Variants in SARS2 observed in about 807,000 individuals in gnomAD.
SARS2 encodes the protein serine--tRNA ligase, mitochondrial.
A neutral mutation model predicts 66.8 loss-of-function variants in SARS2; 52 were observed. The ratio of observed to expected loss-of-function variants is 0.78; its 90% CI spans 0.62 to 0.98. The LOEUF (loss-of-function observed/expected upper bound fraction) is 0.98, where lower values mean the gene tolerates loss of function less well. Among genes scored for constraint, SARS2 ranks in the 50% least tolerant of loss-of-function variants. The pLI is 0.00. For synonymous variants in SARS2, 306 were observed against 281.4 expected, an observed-to-expected ratio of 1.09 and a Z score of -0.87; for missense variants, 673 against 706.3, an observed-to-expected ratio of 0.95 and a Z score of 0.53.
intron 15 of SARS2, 32 bp downstream of exon 15, chr19:38,915,809 T>A (rs772951952): frequency 3.1e-6 from 5 of 1,613,110 alleles, no homozygotes. Flanking sequence ...GGCGCTGAGC[T>A]GCCTCTCTGG....
chr19:38,922,556 T>C (rs911314153), intron 2 of SARS2, among the ~76,000 whole-genome samples: 2 of 152,190 alleles, frequency 1.3e-5, no homozygotes, highest in East Asian at 1.9e-4. Context: ...AAATCCACTT[T>C]AGGAGGTAGG....
chr19:38,927,234 G>C (rs909757751), intron 1 of SARS2, among the ~76,000 whole-genome samples: 21 of 152,014 alleles, frequency 1.4e-4, no homozygotes, highest in Admixed American at 7.9e-4. Flanking sequence ...CACAGCACCC[G>C]GTCTCTACAA....
At chr19:38,919,984 A>T (rs150540843) in intron 6 of SARS2, 102 bp downstream of exon 6, 1 of 1,378,526 alleles carries the variant, frequency 7.3e-7, no homozygotes, top group Non-Finnish European at 1.0e-6. Context: ...TCAAAGATTC[A>T]TGGCATTTCC....
At chr19:38,922,347 C>A (rs1190148033) in intron 2 of SARS2, 80 bp from the exon 3 acceptor site, 32 of 1,376,762 alleles carry the variant, frequency 2.3e-5, no homozygotes, top group Middle Eastern at 1.8e-4. Context: ...AAAGGTCAAA[C>A]AAGGCCAGAG....
At chr19:38,924,247 G>T (rs1161821292) in intron 2 of SARS2, among the ~76,000 whole-genome samples, 1 of 152,180 alleles carries the variant, frequency 6.6e-6, no homozygotes, top group South Asian at 2.1e-4. Flanking sequence ...AAGGCCCCTT[G>T]ACATTCTGAA....
rs1291752956 is a variant in SARS2, at chr19:38,930,616, G to A, written c.121C>T (p.Arg41Trp). The A allele has an allele frequency of 6.2e-7, 1 of 1,614,018 alleles. No homozygotes were observed. Among genetic ancestry groups the A allele is most frequent in the East Asian group, 2.2e-5 (1 of 44,886 alleles). ...RRSFTTEKRN[R>W]NLLYEYAREG... ...CGCGCATACTCGTACAGGAGGTTCCGGTTTCGTTTCTCTGTAGTGAAACTT... is the reference window on the plus strand; with the variant it reads ...CGCGCATACTCGTACAGGAGGTTCCAGTTTCGTTTCTCTGTAGTGAAACTT... Residue 41 changes from arginine to tryptophan, a missense_variant, in exon 1 of 16, where the codon CGG (arginine) becomes TGG (tryptophan). Coordinates refer to ENST00000221431, the MANE Select transcript of SARS2 (RefSeq NM_017827.4).
rs192573861 is a variant in SARS2, at chr19:38,918,616, G to A, written c.808-86C>T. ...CAGTCCCAACCCCAGCTCCTCCCCTGAAAACATCTGGAGCTGCCCTGGCCT... is the reference window on the plus strand; with the variant it reads ...CAGTCCCAACCCCAGCTCCTCCCCTAAAAACATCTGGAGCTGCCCTGGCCT... On this transcript the variant is annotated intron_variant, in intron 8 of 15. Transcript: ENST00000221431. 130 of 1,392,862 alleles carry A rather than the reference G, an allele frequency of 9.3e-5. No individual in the cohort carries two copies. The African/African-American group carries it at 1.5e-3, about 16-fold the overall frequency. The allele number at this position is 1,392,862 out of a possible 1,614,324, so 86.3% of individuals were successfully genotyped here.
chr19:38,917,682 C>T (rs779008576), intron 12 of SARS2, 42 bp downstream of exon 12: 6 of 701,526 alleles, frequency 8.6e-6, no homozygotes, highest in South Asian at 6.8e-5. Flanking sequence ...CCCTCCCCTA[C>T]CCCACCCCTG....
intron 2 of SARS2, among the ~76,000 whole-genome samples, chr19:38,923,416 G>A (rs1408798936): frequency 2.1e-5 from 3 of 145,142 alleles, no homozygotes; most frequent in African/African-American, 7.7e-5. Flanking sequence ...TAGAGACGGG[G>A]TTTCACCGTT....
intron 2 of SARS2, among the ~76,000 whole-genome samples, chr19:38,925,010 T>C (rs538198817): frequency 6.4e-4 from 97 of 152,274 alleles, no homozygotes; most frequent in African/African-American, 2.3e-3. Flanking sequence ...GTTGGTTGTA[T>C]AACCCAAGAT....
intron 5 of SARS2, 105 bp downstream of exon 5, chr19:38,921,287 T>C: frequency 8.1e-7 from 1 of 1,227,646 alleles, no homozygotes; most frequent in Non-Finnish European, 1.2e-6. Flanking sequence ...CCAGGAGTTC[T>C]CCAGGCTCCA....
In SARS2 at chr19:38,919,858, G is replaced by C. The variant is rs1163858891; in HGVS notation, c.663C>G (p.Ser221=). Residue 221 remains serine, a synonymous_variant, in exon 7 of 16, where the codon TCC becomes TCG. Transcript: ENST00000221431. ...AATAGGACCGGTGGCCAGACACGTG[G>C]GACAGGCGCCTGGGAGACAGACAGA... The part of the protein sequence containing the change: ...KLDIIRQKRL[S]HVSGHRSYYL... 1.2e-6 allele frequency: 2 copies of C among 1,613,862 alleles called. No homozygotes were observed. The highest frequency in any genetic ancestry group is 1.7e-6 in the Non-Finnish European group (2 of 1,179,900).
chr19:38,922,014 A>G, intron 3 of SARS2: 1 of 1,552,538 alleles, frequency 6.4e-7, no homozygotes, highest in African/African-American at 1.4e-5. Flanking sequence ...AAGGAGAGAA[A>G]GCTGGCCTGG....
At chr19:38,927,578 CA>C (rs35485895) in intron 1 of SARS2, among the ~76,000 whole-genome samples, 149 of 131,276 alleles carry the variant, frequency 1.1e-3, no homozygotes, top group East Asian at 3.5e-3. Flanking sequence ...ACCTTGTCTC[CA>C]AAAAAAAAAA....
At chr19:38,926,740 C>T (rs897820184) in intron 1 of SARS2, among the ~76,000 whole-genome samples, 1 of 152,052 alleles carries the variant, frequency 6.6e-6, no homozygotes, top group Non-Finnish European at 1.5e-5. Context: ...GAGCTGAGAT[C>T]GTGCCACTGC....
chr19:38,920,484 G>C (rs1974500832), intron 5 of SARS2, among the ~76,000 whole-genome samples: 1 of 151,924 alleles, frequency 6.6e-6, no homozygotes, highest in Admixed American at 6.6e-5. Context: ...GAATCAGAGA[G>C]GAGGCACAGA....
intron 1 of SARS2, chr19:38,930,194 G>A: frequency 2.2e-6 from 1 of 457,104 alleles, no homozygotes; most frequent in Non-Finnish European, 3.9e-6. Context: ...ATGTCACATA[G>A]CAAGTTCCTA....
At chr19:38,924,636 GT>G (rs1279387981) in intron 2 of SARS2, among the ~76,000 whole-genome samples, 1 of 152,002 alleles carries the variant, frequency 6.6e-6, no homozygotes, top group Non-Finnish European at 1.5e-5. Flanking sequence ...TGAGACTTAC[GT>G]ACTTTTTCTG....
Position 38,919,777 on chromosome 19 carries a change from G to A in SARS2, c.744C>T (p.Asn248=). The change falls in exon 7 of 16, where the codon AAC becomes AAT. Residue 248 remains asparagine (N), a synonymous_variant. Coordinates refer to ENST00000221431, the MANE Select transcript of SARS2 (RefSeq NM_017827.4). ...LQHGLVNFTF[N]KLLRRGFTPM... The stretch of plus-strand genomic sequence containing the variant: ...TGGCCCATACCCGGCGGAGAAGCTT[G>A]TTGAATGTGAAGTTGACCAGGCCGT... 5 of 1,614,068 alleles carry A rather than the reference G, an allele frequency of 3.1e-6. No individual in the cohort carries two copies. Among genetic ancestry groups the A allele is most frequent in the Non-Finnish European group, 4.2e-6 (5 of 1,179,914 alleles).
Sources: allele counts gnomAD v4.1 joint callset (sites outside exome capture counted in the v4.1 genomes callset), GRCh38; gene constraint gnomAD v4.1.1; transcripts MANE v1.5; gene names NCBI Gene and HGNC (gene_info 2026-07-23, HGNC 2026-07-21).